MACROD2: variants seen among roughly 807,000 people sequenced by gnomAD.
MACROD2 encodes the protein mono-ADP ribosylhydrolase 2.
In MACROD2, 36 loss-of-function variants were observed where a neutral mutation model predicts 70.4. That is an observed-to-expected ratio of 0.51 (90% CI 0.39 to 0.68). The LOEUF (loss-of-function observed/expected upper bound fraction) is 0.68. MACROD2 is among the 30% of genes least tolerant of loss of function. The pLI, the probability that MACROD2 is intolerant of heterozygous loss-of-function variation, is 0.00. For missense variants in MACROD2, 496 were observed against 538.4 expected (o/e 0.92, Z 0.78); for synonymous variants, 172 against 178.8 (o/e 0.96, Z 0.30).
chr20:15,401,045 T>G (rs1179460453), intron 6 of MACROD2, among the ~76,000 whole-genome samples: 1 of 151,302 alleles, frequency 6.6e-6, no homozygotes, highest in African/African-American at 2.4e-5. Context: ...GCTTGTTCTT[T>G]TTTTTTTTTT....
intron 3 of MACROD2, among the ~76,000 whole-genome samples, chr20:14,481,528 A>AT (rs1457691953): frequency 2.0e-5 from 3 of 152,076 alleles, no homozygotes; most frequent in Admixed American, 6.5e-5. Context: ...TGTAAATGCT[A>AT]TTTTTTCTGG....
Position 14,005,383 on chromosome 20 carries a change from C to G in MACROD2, c.163+2979C>G, listed in dbSNP as rs918371898. Among the ~76,000 whole-genome samples, 10 of 152,258 alleles carry G rather than the reference C, an allele frequency of 6.6e-5. No individual in the cohort carries two copies. The East Asian group carries it at 1.9e-3, about 29-fold the overall frequency. On this transcript the variant is annotated intron_variant, in intron 2 of 17. Transcript: ENST00000684519. ...TAACTGTTGTTAGCTAATTTCTAGA[C>G]TTACATATTTCTAATTCTTCCTCTG...
At chr20:14,023,725 T>C (rs2053119840) in intron 2 of MACROD2, among the ~76,000 whole-genome samples, 1 of 152,188 alleles carries the variant, frequency 6.6e-6, no homozygotes, top group Admixed American at 6.5e-5. Flanking sequence ...TGTGGCATTA[T>C]TTCTGAGCCC....
chr20:14,573,804 G>T (rs1288938736), intron 4 of MACROD2, among the ~76,000 whole-genome samples: 3 of 152,112 alleles, frequency 2.0e-5, no homozygotes, highest in Non-Finnish European at 4.4e-5. Context: ...ATGTATAGCT[G>T]CTGGTTAAAC....
chr20:15,667,479 G>GTATCTATGTATC (rs771507470), intron 8 of MACROD2, among the ~76,000 whole-genome samples: 3,096 of 142,304 alleles, frequency 0.022, 96 homozygotes, highest in African/African-American at 0.072. Flanking sequence ...ATGTATCTAT[G>GTATCTATGTATC]TATCTATGTA....
At chr20:15,360,876 T>A (rs2078343881) in intron 6 of MACROD2, among the ~76,000 whole-genome samples, 2 of 152,090 alleles carry the variant, frequency 1.3e-5, no homozygotes, top group Non-Finnish European at 2.9e-5. Context: ...GATATCTCTT[T>A]ATGTCCTTTG....
intron 5 of MACROD2, among the ~76,000 whole-genome samples, chr20:15,206,884 C>T (rs1252586256): frequency 6.6e-6 from 1 of 150,860 alleles, no homozygotes; most frequent in East Asian, 1.9e-4. Context: ...CTACAGGCGC[C>T]CGCCACCGCG....
At chr20:14,878,322 A>C (rs1379284037) in intron 5 of MACROD2, among the ~76,000 whole-genome samples, 1 of 152,176 alleles carries the variant, frequency 6.6e-6, no homozygotes, top group Admixed American at 6.6e-5. Context: ...GAGACCTTGC[A>C]TAAGATTTAC....
chr20:14,516,698 A>C (rs2085103952), intron 4 of MACROD2, among the ~76,000 whole-genome samples: 1 of 152,166 alleles, frequency 6.6e-6, no homozygotes, highest in African/African-American at 2.4e-5. Flanking sequence ...TGTTTTGGTT[A>C]CTGTGGCCTT....
intron 5 of MACROD2, among the ~76,000 whole-genome samples, chr20:14,713,640 A>G (rs1015053499): frequency 6.6e-6 from 1 of 152,206 alleles, no homozygotes; most frequent in African/African-American, 2.4e-5. Flanking sequence ...TGAAGACCTA[A>G]CTATATATGA....
chr20:14,494,458 G>T (rs1201444693), intron 4 of MACROD2, among the ~76,000 whole-genome samples: 4 of 152,114 alleles, frequency 2.6e-5, no homozygotes, highest in Non-Finnish European at 5.9e-5. Flanking sequence ...AAGAAAAATA[G>T]AAAAGTGTTT....
At position 14,757,845 on chromosome 20, in the gene MACROD2, G is replaced by A. The variant is rs534212431; in HGVS notation, c.418+72886G>A. The A allele has an allele frequency of 1.1e-3, 1,718 of 1,519,704 alleles. 26 individuals are homozygous for A. In the African/African-American group the frequency reaches 0.019, roughly 17 times the overall value. 94.1% of individuals were successfully genotyped at this position (1,519,704 alleles called of 1,614,324 possible). Reference sequence around the variant, plus strand: ...GAGATTGTGCCTGCCACTCTATGCCGTAGCCGTCCAGGGACTGGCAGGCCT... The same window carrying A: ...GAGATTGTGCCTGCCACTCTATGCCATAGCCGTCCAGGGACTGGCAGGCCT... On this transcript the variant is annotated intron_variant, in intron 5 of 17. Coordinates refer to ENST00000684519, the MANE Select transcript of MACROD2 (RefSeq NM_001351661.2).
chr20:14,238,131 C>T (rs1347035151), intron 3 of MACROD2, among the ~76,000 whole-genome samples: 1 of 152,158 alleles, frequency 6.6e-6, no homozygotes, highest in African/African-American at 2.4e-5. Context: ...CTGACTTCCA[C>T]AATGGTTGAA....
At chr20:16,026,999 T>C in intron 15 of MACROD2, among the ~76,000 whole-genome samples, 1 of 152,204 alleles carries the variant, frequency 6.6e-6, no homozygotes, top group East Asian at 1.9e-4. Context: ...GGCATAAAAA[T>C]GTTTAAACCC....
chr20:14,531,173 C>A (rs1177714395), intron 4 of MACROD2, among the ~76,000 whole-genome samples: 1 of 152,154 alleles, frequency 6.6e-6, no homozygotes, highest in Non-Finnish European at 1.5e-5. Context: ...ATAGTAGGAT[C>A]TCAAAACATG....
chr20:15,563,882 T>C (rs1057293575), intron 8 of MACROD2, among the ~76,000 whole-genome samples: 3 of 152,212 alleles, frequency 2.0e-5, no homozygotes, highest in Non-Finnish European at 4.4e-5. Flanking sequence ...TCCATGCATA[T>C]GATTCCATTT....
At chr20:16,041,126 G>C in intron 15 of MACROD2, 75 bp from the exon 16 acceptor site, 1 of 1,232,466 alleles carries the variant, frequency 8.1e-7, no homozygotes, top group African/African-American at 1.5e-5. Flanking sequence ...GGCAATGGAG[G>C]GTGACAGAAA....
intron 3 of MACROD2, among the ~76,000 whole-genome samples, chr20:14,371,320 A>G (rs2083321388): frequency 6.6e-6 from 1 of 152,054 alleles, no homozygotes; most frequent in Non-Finnish European, 1.5e-5. Context: ...CCCCATCTCT[A>G]CAAGAAATTT....
chr20:15,950,623 T>C (rs2065890954), intron 12 of MACROD2, among the ~76,000 whole-genome samples: 1 of 152,196 alleles, frequency 6.6e-6, no homozygotes, highest in Admixed American at 6.5e-5. Flanking sequence ...GCAAAAATGC[T>C]GGAAAACGGC....
Sources: gnomAD v4.1 joint callset for allele counts (sites outside exome capture counted in the v4.1 genomes callset) on GRCh38, gnomAD v4.1.1 for gene constraint, MANE v1.5 for transcripts, NCBI Gene and HGNC (gene_info 2026-07-23, HGNC 2026-07-21) for gene names.